ADAMTS10: variants seen among roughly 807,000 people sequenced by gnomAD.
The protein encoded by ADAMTS10 is A disintegrin and metalloproteinase with thrombospondin motifs 10.
ADAMTS10 carries 48 observed loss-of-function variants against 135.9 expected under a neutral mutation model. The observed-to-expected ratio is 0.35, with a 90% CI of 0.28 to 0.45. ADAMTS10 has a LOEUF of 0.45. Among genes scored for constraint, ADAMTS10 ranks in the 20% least tolerant of loss-of-function variants. The pLI, the probability that ADAMTS10 is intolerant of heterozygous loss-of-function variation, is 1.00. For synonymous variants in ADAMTS10, 621 were observed against 647.5 expected (o/e 0.96, Z 0.62); for missense variants, 1,131 against 1,565.2 (o/e 0.72, Z 4.68).
chr19:8,604,764 G>A (rs2042701523), intron 4 of ADAMTS10, among the ~76,000 whole-genome samples: 1 of 152,024 alleles, frequency 6.6e-6, no homozygotes, highest in African/African-American at 2.4e-5. Context: ...AGGACTACAG[G>A]CATAAGTCAC....
rs538632012 is a variant in ADAMTS10, at chr19:8,589,603, G to A, written c.1901-18C>T. ...CACGCCCCCTGGGGGGCACGGCCCC[G>A]TCACACCACGGGCCAGGCCACCCCG... On this transcript the variant is annotated intron_variant, in intron 16 of 25. Coordinates refer to ENST00000597188, the MANE Select transcript of ADAMTS10 (RefSeq NM_030957.4). 110 of 1,613,082 alleles carry A rather than the reference G, an allele frequency of 6.8e-5. 3 individuals carry two copies. In the South Asian group the frequency reaches 9.3e-4, roughly 14 times the overall value.
chr19:8,587,754 A>G (rs1386263692), intron 18 of ADAMTS10, among the ~76,000 whole-genome samples: 1 of 151,442 alleles, frequency 6.6e-6, no homozygotes, highest in African/African-American at 2.4e-5. Flanking sequence ...ACACGGTGAA[A>G]CCCCATCTCT....
At chr19:8,610,408 C>T (rs1297849264) in intron 1 of ADAMTS10, among the ~76,000 whole-genome samples, 8 of 134,180 alleles carry the variant, frequency 6.0e-5, no homozygotes, top group African/African-American at 2.0e-4. Flanking sequence ...AACCACTCTG[C>T]CCCTACGTGG....
intron 6 of ADAMTS10, among the ~76,000 whole-genome samples, chr19:8,598,821 C>T (rs12462564): frequency 0.42 from 63,005 of 151,398 alleles, 14,443 homozygotes; most frequent in East Asian, 0.81. Context: ...GTGATCCACC[C>T]GCCTCGGCCT....
intron 12 of ADAMTS10, chr19:8,593,188 G>A: frequency 2.3e-6 from 1 of 439,370 alleles, no homozygotes. Context: ...GGAATAGCCT[G>A]GAGTTTAACC....
rs1265349085 is a variant in ADAMTS10, at chr19:8,596,858, C to T, written c.1040+129G>A. On this transcript the variant is annotated intron_variant, in intron 8 of 25. Coordinates refer to ENST00000597188, the MANE Select transcript of ADAMTS10 (RefSeq NM_030957.4). The surrounding 1 kb of genome is among the most constrained non-coding windows in gnomAD (Gnocchi z 7.2). ...AAGCAGCCCCTCCCCATCCCTGGCTCCCTCATGGGCAGCCCAAACTTCTCT... is the reference window on the plus strand; with the variant it reads ...AAGCAGCCCCTCCCCATCCCTGGCTTCCTCATGGGCAGCCCAAACTTCTCT... The T allele has an allele frequency of 2.8e-6, 4 of 1,443,538 alleles. No homozygotes were observed. Among genetic ancestry groups the T allele is most frequent in the Non-Finnish European group, 3.8e-6 (4 of 1,050,526 alleles). 89.4% of individuals were successfully genotyped at this position (1,443,538 alleles called of 1,614,324 possible). A position where few individuals can be genotyped will look rare whatever the true frequency, so the allele number is the denominator to read the frequency against.
At position 8,605,177 on chromosome 19, in the gene ADAMTS10, G is replaced by T; in HGVS notation, c.270C>A (p.Asn90Lys). The change falls in exon 4 of 26, where the codon AAC becomes AAA. Residue 90 changes from asparagine (N) to lysine (K), a missense_variant. Asn to Lys is a moderately conservative substitution (Grantham distance 94). Transcript: ENST00000597188. The surrounding 1 kb of genome is among the most constrained non-coding windows in gnomAD (Gnocchi z 7.7). ...CCAGTAGACGGGAGCTGCGGGTCAG[G>T]TTCAGCAGGAAGTGGGTGCTGGGCG... Reference protein sequence around the residue: ...VASPSTHFLLNLTRSSRLLAG... With the variant: ...VASPSTHFLLKLTRSSRLLAG... The T allele has an allele frequency of 1.2e-6, 2 of 1,614,088 alleles. No individual in the cohort carries two copies. The highest frequency in any genetic ancestry group is 1.1e-5 in the South Asian group (1 of 91,090).
chr19:8,593,963 G>C (rs1457594992), intron 12 of ADAMTS10, among the ~76,000 whole-genome samples: 1 of 152,186 alleles, frequency 6.6e-6, no homozygotes, highest in Non-Finnish European at 1.5e-5. Flanking sequence ...GTAAGAAGCT[G>C]GAAGAGTTGT....
intron 25 of ADAMTS10, among the ~76,000 whole-genome samples, chr19:8,581,847 A>C (rs1476771867): frequency 3.6e-5 from 5 of 138,222 alleles, no homozygotes; most frequent in African/African-American, 1.0e-4. Flanking sequence ...AACAAAACAA[A>C]AAAACAAAAA....
rs34389376 is a variant in ADAMTS10, at chr19:8,598,565, A to ATTTTTTTT, written c.811-1256_811-1249dup. Among the ~76,000 whole-genome samples, 4 of 70,746 alleles carry ATTTTTTTT rather than the reference A, an allele frequency of 5.7e-5. No individual in the cohort carries two copies. The East Asian group carries it at 1.2e-3, about 21-fold the overall frequency. The allele number at this position is 70,746 out of a possible 152,430, so 46.4% of individuals were successfully genotyped here. On this transcript the variant is annotated intron_variant, in intron 6 of 25. Coordinates refer to ENST00000597188, the MANE Select transcript of ADAMTS10 (RefSeq NM_030957.4). ...ATTTCCCCGTCTGGAAATCCCCAGA[A>ATTTTTTTT]TTTTTTTTTTTTTTTTTTTTTTTTT...
rs1192815992 is a variant in ADAMTS10, at chr19:8,601,557, T to G, written c.593-412A>C. Among the ~76,000 whole-genome samples the G allele has an allele frequency of 6.6e-6, 1 of 152,030 alleles. No homozygotes were observed. Among genetic ancestry groups the G allele is most frequent in the Non-Finnish European group, 1.5e-5 (1 of 68,018 alleles). ...TTGTATTTTTAATTGAGACTGCATT[T>G]CACCATGTTGGCCAGGCTGGTCTCG... On this transcript the variant is annotated intron_variant, in intron 5 of 25. Coordinates refer to ENST00000597188, the MANE Select transcript of ADAMTS10 (RefSeq NM_030957.4). The surrounding 1 kb of genome is among the most constrained non-coding windows in gnomAD (Gnocchi z 4.6).
chr19:8,598,844 G>A (rs1210450461), intron 6 of ADAMTS10, among the ~76,000 whole-genome samples: 1 of 151,902 alleles, frequency 6.6e-6, no homozygotes, highest in Non-Finnish European at 1.5e-5. Context: ...CAAAGTGTTG[G>A]GATTACAGGC....
intron 11 of ADAMTS10, 72 bp from the exon 12 acceptor site, chr19:8,595,975 G>A: frequency 6.2e-7 from 1 of 1,613,816 alleles, no homozygotes; most frequent in Non-Finnish European, 8.5e-7. Flanking sequence ...CAGCTGGATG[G>A]GGGTCCCAGG....
chr19:8,606,117 G>C (rs1344299779), intron 2 of ADAMTS10, among the ~76,000 whole-genome samples: 3 of 152,190 alleles, frequency 2.0e-5, no homozygotes, highest in Non-Finnish European at 4.4e-5. Context: ...ATGGAGTGCA[G>C]TGTTGTGATC....
chr19:8,582,058 C>T (rs879965199), intron 25 of ADAMTS10, among the ~76,000 whole-genome samples: 31 of 133,602 alleles, frequency 2.3e-4, no homozygotes, highest in Admixed American at 1.8e-3. Flanking sequence ...CAAACAAACA[C>T]GACCCAATAA....
chr19:8,586,482 G>T lies in ADAMTS10; in HGVS notation c.2404-12C>A. Reference sequence around the variant, plus strand: ...GTCCGGGCCAGCACCTGGAGAAAGGGGGCGGCAGCCAGTGGAAGGATCGCA... The same window carrying T: ...GTCCGGGCCAGCACCTGGAGAAAGGTGGCGGCAGCCAGTGGAAGGATCGCA... On this transcript the variant is annotated splice_polypyrimidine_tract_variant and intron_variant, in intron 20 of 25. Transcript: ENST00000597188. 2 of 1,613,446 alleles carry T rather than the reference G, an allele frequency of 1.2e-6. No individual in the cohort carries two copies. Among genetic ancestry groups the T allele is most frequent in the Non-Finnish European group, 1.7e-6 (2 of 1,180,020 alleles).
rs2042611234 is a variant in ADAMTS10 at position 8,596,850 on chromosome 19, C to T, written c.1040+137G>A. On this transcript the variant is annotated intron_variant, in intron 8 of 25. Coordinates refer to ENST00000597188, the MANE Select transcript of ADAMTS10 (RefSeq NM_030957.4). The surrounding 1 kb of genome is among the most constrained non-coding windows in gnomAD (Gnocchi z 7.2). The stretch of plus-strand genomic sequence containing the variant: ...TTATTCTCAAGCAGCCCCTCCCCAT[C>T]CCTGGCTCCCTCATGGGCAGCCCAA... 2.9e-6 allele frequency: 4 copies of T among 1,396,268 alleles called. No homozygotes were observed. The highest frequency in any genetic ancestry group is 1.2e-5 in the South Asian group (1 of 82,280). The allele number at this position is 1,396,268 out of a possible 1,614,324, so 86.5% of individuals were successfully genotyped here.
intron 18 of ADAMTS10, among the ~76,000 whole-genome samples, chr19:8,587,137 T>A (rs527691106): frequency 5.9e-5 from 9 of 152,000 alleles, no homozygotes; most frequent in Admixed American, 3.9e-4. Context: ...ATGACTGGGT[T>A]AGGATTTTTC....
At chr19:8,589,855 C>T (rs1477276421) in intron 16 of ADAMTS10, 34 bp downstream of exon 16, 2 of 1,596,862 alleles carry the variant, frequency 1.3e-6, no homozygotes, top group Admixed American at 1.7e-5. Flanking sequence ...GGCTGCCCTT[C>T]ACGGCCCCAC....
Sources: gnomAD v4.1 joint callset for allele counts (sites outside exome capture counted in the v4.1 genomes callset) on GRCh38, gnomAD v4.1.1 for gene constraint, Gnocchi (gnomAD v3.1) non-coding constraint, MANE v1.5 for transcripts, NCBI Gene and HGNC (gene_info 2026-07-23, HGNC 2026-07-21) for gene names.